Variants in CCDC171 observed in about 807,000 individuals in gnomAD.
CCDC171 encodes the protein coiled-coil domain-containing protein 171.
Under a neutral mutation model 168.2 loss-of-function variants are expected in CCDC171, and 177 were observed. That is an observed-to-expected ratio of 1.05 (90% CI 0.93 to 1.19). The LOEUF is 1.19. Ranked by LOEUF, CCDC171 falls within the 50% of genes most tolerant of loss-of-function variation. The pLI, the probability that CCDC171 is intolerant of heterozygous loss-of-function variation, is 0.00. For synonymous variants in CCDC171, 687 were observed against 540.8 expected, an observed-to-expected ratio of 1.27 and a Z score of -3.75; for missense variants, 1,991 against 1,539.0, an observed-to-expected ratio of 1.29 and a Z score of -4.91.
At chr9:15,716,609 ATTTC>A (rs2053105069) in intron 11 of CCDC171, among the ~76,000 whole-genome samples, 1 of 152,104 alleles carries the variant, frequency 6.6e-6, no homozygotes, top group African/African-American at 2.4e-5. Flanking sequence ...AAGGAGATTT[ATTTC>A]TTACAGTTCT....
At chr9:16,036,297 T>C (rs2133048420) in intron 8 of CCDC171, 2 of 152,278 alleles carry the variant, frequency 1.3e-5, no homozygotes, top group South Asian at 4.2e-4. Context: ...CATTTTGTGG[T>C]TTCCATGATG....
rs917433113 is a variant in CCDC171 at position 15,784,322 on chromosome 9, G to A, written c.3082-187G>A. On this transcript the variant is annotated intron_variant, in intron 20 of 25. Coordinates refer to ENST00000380701, the MANE Select transcript of CCDC171 (RefSeq NM_173550.4). ...CTGAAAATGATAACTAAGTGTGGCT[G>A]TTTTGCTTTAAAAATCACAGTAGTA... is the stretch of plus-strand genomic sequence containing the variant. 2.6e-5 allele frequency among the ~76,000 whole-genome samples: 4 copies of A among 152,084 alleles called. No homozygotes were observed. In the East Asian group the frequency reaches 5.8e-4, roughly 22 times the overall value.
At chr9:15,854,801 C>G (rs1452535557) in intron 23 of CCDC171, among the ~76,000 whole-genome samples, 2 of 151,550 alleles carry the variant, frequency 1.3e-5, no homozygotes, top group East Asian at 1.9e-4. Context: ...TTATATTCAT[C>G]TATTTCAAAA....
chr9:15,617,994 A>C (rs2044217859), intron 6 of CCDC171, among the ~76,000 whole-genome samples: 1 of 151,804 alleles, frequency 6.6e-6, no homozygotes, highest in Admixed American at 6.5e-5. Context: ...TCAGGGACCC[A>C]CTTGAGGAGG....
chr9:15,834,141 T>C (rs901686420), intron 21 of CCDC171, among the ~76,000 whole-genome samples: 6 of 152,190 alleles, frequency 3.9e-5, no homozygotes, highest in Non-Finnish European at 5.9e-5. Context: ...TTTTTGATCA[T>C]GATTATTTTA....
At chr9:16,103,804 G>A in the CCDC171 span, among the ~76,000 whole-genome samples, 1 of 152,232 alleles carries the variant, frequency 6.6e-6, no homozygotes, top group African/African-American at 2.4e-5. Context: ...CTGCCCCCCA[G>A]TGATTTACGG....
At chr9:15,779,208 A>G (rs2057521540) in intron 20 of CCDC171, 58 bp downstream of exon 20, 6 of 1,009,754 alleles carry the variant, frequency 5.9e-6, no homozygotes, top group African/African-American at 1.7e-5. Context: ...CTTTATCTCT[A>G]TATCCTTTTT....
At chr9:15,642,916 C>T (rs2046754921) in intron 7 of CCDC171, among the ~76,000 whole-genome samples, 1 of 151,998 alleles carries the variant, frequency 6.6e-6, no homozygotes, top group South Asian at 2.1e-4. Flanking sequence ...ATTTTCGATT[C>T]ATTATAGAAT....
At chr9:15,657,096 T>G (rs768890619) in intron 7 of CCDC171, 31 bp from the exon 8 acceptor site, 1 of 1,293,838 alleles carries the variant, frequency 7.7e-7, no homozygotes, top group Non-Finnish European at 1.1e-6. Context: ...ATACCAATGT[T>G]TATGAATTTA....
intron 23 of CCDC171, among the ~76,000 whole-genome samples, chr9:15,865,872 G>A (rs1276564581): frequency 6.6e-6 from 1 of 151,480 alleles, no homozygotes; most frequent in Non-Finnish European, 1.5e-5. Context: ...GTGTGTGTGT[G>A]TGTGTATCAC....
At chr9:15,993,020 C>T (rs1446474018) in intron 3 of CCDC171, among the ~76,000 whole-genome samples, 1 of 152,172 alleles carries the variant, frequency 6.6e-6, no homozygotes, top group Admixed American at 6.5e-5. Flanking sequence ...CCATACTTCC[C>T]AAGGTAATTT....
In CCDC171 at chr9:15,745,562, A is replaced by T. The variant is rs773062155; in HGVS notation, c.2602A>T (p.Thr868Ser). 4 of 1,590,246 alleles carry T rather than the reference A, an allele frequency of 2.5e-6. No homozygotes were observed. The African/African-American group carries it at 5.5e-5, about 22-fold the overall frequency. ...TTGTTTACAAGCGCTCAGTTGGCTC[A>T]CCAGTTCTGACCTTCTTGCTGCAAT... ...LRCLQALSWL[T>S]SSDLLAAIIS... is the part of the protein sequence containing the mutation. The change falls in exon 18 of 26, where the codon ACC (threonine) becomes TCC (serine). Residue 868 changes from threonine to serine, a missense_variant. Thr to Ser is a moderately conservative substitution (Grantham distance 58). Coordinates refer to ENST00000380701, the MANE Select transcript of CCDC171 (RefSeq NM_173550.4).
intron 1 of CCDC171, among the ~76,000 whole-genome samples, chr9:15,554,304 G>A (rs1360731622): frequency 2.0e-5 from 3 of 152,228 alleles, no homozygotes; most frequent in Admixed American, 2.0e-4. Flanking sequence ...ACAGGCGTGA[G>A]CCACTGCGCC....
intron 7 of CCDC171, among the ~76,000 whole-genome samples, chr9:15,655,816 G>GT (rs1362078446): frequency 1.3e-5 from 2 of 152,218 alleles, no homozygotes; most frequent in East Asian, 3.9e-4. Context: ...GATGCTCAGT[G>GT]TCATTAGTCA....
At chr9:15,683,980 G>A (rs1564204306) in intron 10 of CCDC171, among the ~76,000 whole-genome samples, 1 of 152,148 alleles carries the variant, frequency 6.6e-6, no homozygotes, top group East Asian at 1.9e-4. Flanking sequence ...AGTGGCATAG[G>A]TAAACAAGGT....
At chr9:15,649,178 G>A (rs1587726207) in intron 7 of CCDC171, among the ~76,000 whole-genome samples, 2 of 152,136 alleles carry the variant, frequency 1.3e-5, no homozygotes, top group South Asian at 4.1e-4. Flanking sequence ...ATGGTGCTGG[G>A]AAAACTGGCT....
intron 21 of CCDC171, among the ~76,000 whole-genome samples, chr9:15,822,886 G>A (rs2059850391): frequency 1.3e-5 from 2 of 152,166 alleles, no homozygotes; most frequent in Admixed American, 6.5e-5. Flanking sequence ...ACATGCACAC[G>A]TATGTCTATT....
At chr9:15,951,868 G>A (rs1304125787) in intron 25 of CCDC171, among the ~76,000 whole-genome samples, 1 of 151,994 alleles carries the variant, frequency 6.6e-6, no homozygotes, top group Non-Finnish European at 1.5e-5. Flanking sequence ...AAAATTATCA[G>A]GAAGTTCAAT....
At chr9:15,760,241 GC>G (rs2056370649) in intron 18 of CCDC171, among the ~76,000 whole-genome samples, 1 of 152,098 alleles carries the variant, frequency 6.6e-6, no homozygotes, top group Non-Finnish European at 1.5e-5. Flanking sequence ...GTGCATGTAT[GC>G]CAGTACTAAG....
Sources: allele counts gnomAD v4.1 joint callset (sites outside exome capture counted in the v4.1 genomes callset), GRCh38; gene constraint gnomAD v4.1.1; transcripts MANE v1.5; gene names NCBI Gene and HGNC (gene_info 2026-07-23, HGNC 2026-07-21).